Variants in ASIC2 observed in about 807,000 individuals in gnomAD.
The protein encoded by ASIC2 is acid-sensing ion channel 2.
Under a neutral mutation model 57.3 loss-of-function variants are expected in ASIC2, and 25 were observed. That is an observed-to-expected ratio of 0.44 (90% CI 0.32 to 0.61). ASIC2 has a LOEUF of 0.61. Among genes scored for constraint, ASIC2 ranks in the 20% least tolerant of loss-of-function variants. The probability of loss-of-function intolerance (pLI) is 0.06; values close to 1 mark genes in which losing one functional copy is unlikely to be tolerated. For synonymous variants in ASIC2, 319 were observed against 307.5 expected, an observed-to-expected ratio of 1.04 and a Z score of -0.39; for missense variants, 641 against 738.1, an observed-to-expected ratio of 0.87 and a Z score of 1.52.
chr17:33,970,553 G>T (rs930550612), intron 1 of ASIC2, among the ~76,000 whole-genome samples: 4 of 152,222 alleles, frequency 2.6e-5, no homozygotes, highest in Non-Finnish European at 5.9e-5. Context: ...AGACAGGGAA[G>T]TTAGGCAGCT....
At chr17:34,106,974 T>C (rs933429545) in intron 1 of ASIC2, among the ~76,000 whole-genome samples, 3 of 152,208 alleles carry the variant, frequency 2.0e-5, no homozygotes, top group African/African-American at 4.8e-5. Flanking sequence ...CATGGACATA[T>C]ATATGTACAT....
chr17:33,295,654 C>A (rs1404469270), upstream of ASIC2, among the ~76,000 whole-genome samples: 1 of 152,132 alleles, frequency 6.6e-6, no homozygotes, highest in Non-Finnish European at 1.5e-5. Flanking sequence ...AGGGACTACA[C>A]CTCCTTCATA....
intron 1 of ASIC2, among the ~76,000 whole-genome samples, chr17:34,063,972 T>C (rs1283297124): frequency 6.6e-6 from 1 of 152,110 alleles, no homozygotes; most frequent in Non-Finnish European, 1.5e-5. Context: ...AAAAATTCAG[T>C]GCAATCCCCC....
intron 1 of ASIC2, among the ~76,000 whole-genome samples, chr17:33,795,126 T>C (rs765338109): frequency 6.6e-6 from 1 of 152,252 alleles, no homozygotes. Flanking sequence ...TGAACTTCTC[T>C]ACATTACAGA....
chr17:33,473,522 C>T (rs918864783), intron 1 of ASIC2, among the ~76,000 whole-genome samples: 1 of 152,022 alleles, frequency 6.6e-6, no homozygotes, highest in Non-Finnish European at 1.5e-5. Flanking sequence ...CCACGCGGGG[C>T]TTCTGGACAC....
intron 2 of ASIC2, among the ~76,000 whole-genome samples, chr17:33,090,771 G>T (rs2092154659): frequency 6.6e-6 from 1 of 152,136 alleles, no homozygotes; most frequent in Non-Finnish European, 1.5e-5. Context: ...TAGGTGCAGG[G>T]GTCTGGAGCA....
At position 33,271,319 on chromosome 17, in the gene ASIC2, A is replaced by G. The variant is rs184962110; in HGVS notation, c.708+20089T>C. Among the ~76,000 whole-genome samples the G allele has an allele frequency of 1.7e-4, 26 of 152,212 alleles. 1 individual carries two copies. Among genetic ancestry groups the G allele is most frequent in the African/African-American group, 6.3e-4 (26 of 41,540 alleles). On this transcript the variant is annotated intron_variant, in intron 1 of 9. Transcript: ENST00000225823. ...CACTTATGCGATCCCACCCAGTCCC[A>G]CTGACTAAATGCCACTATTCCACCA... is the stretch of plus-strand genomic sequence containing the variant.
chr17:33,072,088 AC>A (rs1177532527), intron 3 of ASIC2, among the ~76,000 whole-genome samples: 1 of 148,858 alleles, frequency 6.7e-6, no homozygotes, highest in Non-Finnish European at 1.5e-5. Context: ...TGTCCTGTGA[AC>A]TCTGGTTGTC....
At chr17:33,108,477 C>CTGAGGG (rs2092243935) in intron 2 of ASIC2, among the ~76,000 whole-genome samples, 2 of 152,180 alleles carry the variant, frequency 1.3e-5, no homozygotes, top group Non-Finnish European at 2.9e-5. Flanking sequence ...TGGCTGTGTC[C>CTGAGGG]ATCATCCTCG....
At chr17:33,845,151 T>G (rs1913545589) in intron 1 of ASIC2, among the ~76,000 whole-genome samples, 1 of 152,276 alleles carries the variant, frequency 6.6e-6, no homozygotes, top group East Asian at 1.9e-4. Context: ...TTATCTAAAA[T>G]TGGATAAGGT....
chr17:33,651,589 G>T (rs1178954711), intron 1 of ASIC2, among the ~76,000 whole-genome samples: 1 of 152,178 alleles, frequency 6.6e-6, no homozygotes, highest in Non-Finnish European at 1.5e-5. Context: ...GCTTACTTAT[G>T]CCACTCATTT....
intron 1 of ASIC2, among the ~76,000 whole-genome samples, chr17:33,316,281 T>C (rs1906641999): frequency 6.6e-6 from 1 of 152,182 alleles, no homozygotes; most frequent in African/African-American, 2.4e-5. Context: ...ACAGTGTCTC[T>C]CCGTTGTCTA....
intron 1 of ASIC2, among the ~76,000 whole-genome samples, chr17:33,177,205 C>T (rs1905794298): frequency 6.6e-6 from 1 of 152,210 alleles, no homozygotes; most frequent in Non-Finnish European, 1.5e-5. Context: ...CTGTGTTCCA[C>T]TGGCCTCTGA....
intron 1 of ASIC2, among the ~76,000 whole-genome samples, chr17:33,897,290 T>C (rs1324207878): frequency 6.6e-6 from 1 of 152,218 alleles, no homozygotes; most frequent in Non-Finnish European, 1.5e-5. Flanking sequence ...AATGTCCTCT[T>C]GTTGCTCCTA....
intron 1 of ASIC2, among the ~76,000 whole-genome samples, chr17:33,185,783 C>T (rs184407344): frequency 6.6e-6 from 1 of 152,280 alleles, no homozygotes; most frequent in East Asian, 1.9e-4. Flanking sequence ...CAATCTCCTC[C>T]AGATCCCACA....
chr17:33,228,291 A>G (rs1597640338), intron 1 of ASIC2, among the ~76,000 whole-genome samples: 2 of 152,240 alleles, frequency 1.3e-5, no homozygotes, highest in African/African-American at 4.8e-5. Context: ...AGGGCTACTG[A>G]ATCGAACACT....
At chr17:33,976,979 C>T (rs547602178) in intron 1 of ASIC2, among the ~76,000 whole-genome samples, 245 of 152,062 alleles carry the variant, frequency 1.6e-3, no homozygotes, top group African/African-American at 5.9e-3. Flanking sequence ...CTCGTTGTGG[C>T]GATGCCTCTG....
chr17:33,308,434 C>T (rs1284112227), intron 1 of ASIC2, among the ~76,000 whole-genome samples: 3 of 152,162 alleles, frequency 2.0e-5, no homozygotes, highest in Admixed American at 2.0e-4. Context: ...CTTGCCTTAA[C>T]CAAATCATTT....
At chr17:33,447,599 A>G (rs1784362899) in intron 1 of ASIC2, among the ~76,000 whole-genome samples, 1 of 152,212 alleles carries the variant, frequency 6.6e-6, no homozygotes, top group Non-Finnish European at 1.5e-5. Context: ...TTTCAGAGTC[A>G]GGCCTAGAAC....
Sources: allele counts gnomAD v4.1 joint callset (sites outside exome capture counted in the v4.1 genomes callset), GRCh38; gene constraint gnomAD v4.1.1; transcripts MANE v1.5; gene names NCBI Gene and HGNC (gene_info 2026-07-23, HGNC 2026-07-21).